The following ERI3 variants were observed in gnomAD, a reference collection of about 807,000 sequenced individuals.
The protein encoded by ERI3 is ERI1 exoribonuclease 3.
In ERI3, 18 loss-of-function variants were observed where a neutral mutation model predicts 44.4. That is an observed-to-expected ratio of 0.41 (90% CI 0.28 to 0.60). The LOEUF (loss-of-function observed/expected upper bound fraction) is 0.60, where lower values mean the gene tolerates loss of function less well. Among genes scored for constraint, ERI3 ranks in the 20% least tolerant of loss-of-function variants. ERI3 has a pLI of 0.36. For synonymous variants in ERI3, 183 were observed against 164.8 expected (o/e 1.11, Z -0.84); for missense variants, 294 against 435.5 (o/e 0.68, Z 2.89).
Position 44,276,116 on chromosome 1 carries a change from T to C in ERI3, c.831+8719A>G, listed in dbSNP as rs187996748. Among the ~76,000 whole-genome samples the C allele has an allele frequency of 9.2e-5, 14 of 152,272 alleles. No homozygotes were observed. In the East Asian group the frequency reaches 1.9e-3, roughly 21 times the overall value. ...AACAACCAGCTCTCTTGGGAATGAA[T>C]AGAGTGAGAACTCACTCACATCCCT... On this transcript the variant is annotated intron_variant, in intron 7 of 8. Transcript: ENST00000372257.
intron 3 of ERI3, among the ~76,000 whole-genome samples, chr1:44,333,288 T>G (rs1157522358): frequency 1.3e-5 from 2 of 152,368 alleles, no homozygotes; most frequent in South Asian, 2.1e-4. Flanking sequence ...ACGTCGGTTT[T>G]GCATTTCATT....
intron 7 of ERI3, among the ~76,000 whole-genome samples, chr1:44,265,351 G>A (rs71653910): frequency 0.074 from 11,277 of 152,292 alleles, 465 homozygotes; most frequent in South Asian, 0.16. Context: ...AGCAGAGTAG[G>A]CTGGGGCTAA....
At chr1:44,344,700 C>CA (rs1355590407) in intron 2 of ERI3, among the ~76,000 whole-genome samples, 1 of 152,220 alleles carries the variant, frequency 6.6e-6, no homozygotes, top group East Asian at 1.9e-4. Context: ...GGCCAGAACT[C>CA]AAAAGAAAGT....
intron 6 of ERI3, among the ~76,000 whole-genome samples, chr1:44,295,076 A>G (rs1416313524): frequency 3.3e-5 from 5 of 152,300 alleles, no homozygotes; most frequent in African/African-American, 1.2e-4. Context: ...CACTTGTCCT[A>G]TACAGAGTAA....
chr1:44,330,936 T>C (rs1262321327), intron 3 of ERI3, among the ~76,000 whole-genome samples: 2 of 152,114 alleles, frequency 1.3e-5, no homozygotes, highest in Non-Finnish European at 2.9e-5. Flanking sequence ...AAAAGAAATA[T>C]AATCAAGAGG....
intron 7 of ERI3, among the ~76,000 whole-genome samples, chr1:44,255,585 C>A (rs889197249): frequency 6.6e-6 from 1 of 152,122 alleles, no homozygotes; most frequent in South Asian, 2.1e-4. Flanking sequence ...GTATTTCTTA[C>A]CCCTACTTGA....
chr1:44,256,197 C>T (rs907626155), intron 7 of ERI3, among the ~76,000 whole-genome samples: 2 of 152,058 alleles, frequency 1.3e-5, no homozygotes, highest in Admixed American at 6.5e-5. Context: ...GCCTGGTTTC[C>T]GGAGCTGCTA....
At chr1:44,233,015 C>T (rs1644221871) in intron 8 of ERI3, among the ~76,000 whole-genome samples, 1 of 152,156 alleles carries the variant, frequency 6.6e-6, no homozygotes, top group South Asian at 2.1e-4. Context: ...ATTCCCTTTT[C>T]CTTGTCACCC....
chr1:44,245,230 A>G (rs1265608417), intron 8 of ERI3, among the ~76,000 whole-genome samples: 1 of 150,990 alleles, frequency 6.6e-6, no homozygotes, highest in African/African-American at 2.4e-5. Context: ...ACTGCTCAAA[A>G]CCCACGCCTC....
At chr1:44,258,345 A>G (rs866404567) in intron 7 of ERI3, among the ~76,000 whole-genome samples, 1 of 152,198 alleles carries the variant, frequency 6.6e-6, no homozygotes, top group South Asian at 2.1e-4. Context: ...CACTACCGCC[A>G]CCACCACCCA....
Position 44,286,506 on chromosome 1 carries a change from A to G in ERI3, c.759-1599T>C, listed in dbSNP as rs193106917. ...AATTATTAATGTAATCATTAACCTA[A>G]GTAAAATTAAAGCCAGGAGAGTAAA... On this transcript the variant is annotated intron_variant, in intron 6 of 8. Transcript: ENST00000372257. 2.3e-3 allele frequency among the ~76,000 whole-genome samples: 350 copies of G among 152,276 alleles called. 1 individual carries two copies. Among genetic ancestry groups the G allele is most frequent in the Non-Finnish European group, 3.8e-3 (261 of 68,008 alleles).
At position 44,228,790 on chromosome 1, in the gene ERI3, A is replaced by C. The variant is rs2154315590; in HGVS notation, c.932-7150T>G. On this transcript the variant is annotated intron_variant, in intron 8 of 8. Coordinates refer to ENST00000372257, the MANE Select transcript of ERI3 (RefSeq NM_024066.3). The surrounding 1 kb of genome is among the most constrained non-coding windows in gnomAD (Gnocchi z 4.3). ...CAGTAAGCATAGCATCAAACCCCTT[A>C]TGTCGCTTGCAGTGCATTTGGCCAC... Among the ~76,000 whole-genome samples the C allele has an allele frequency of 6.6e-6, 1 of 152,314 alleles. No homozygotes were observed. Among genetic ancestry groups the C allele is most frequent in the Middle Eastern group, 3.4e-3 (1 of 294 alleles).
intron 7 of ERI3, among the ~76,000 whole-genome samples, chr1:44,279,930 C>T (rs1323831431): frequency 6.6e-6 from 1 of 152,208 alleles, no homozygotes; most frequent in Non-Finnish European, 1.5e-5. Context: ...TAGATAAACA[C>T]AGGAAACTAT....
intron 3 of ERI3, among the ~76,000 whole-genome samples, chr1:44,325,545 G>A (rs979369782): frequency 2.0e-5 from 3 of 152,192 alleles, no homozygotes; most frequent in African/African-American, 7.2e-5. Flanking sequence ...CAACTGAAGT[G>A]TCTGCAGAAA....
chr1:44,233,317 C>CCACAGGAGCCA (rs1644228778), intron 8 of ERI3, among the ~76,000 whole-genome samples: 1 of 152,110 alleles, frequency 6.6e-6, no homozygotes, highest in Non-Finnish European at 1.5e-5. Context: ...ATCTCCTACT[C>CCACAGGAGCCA]CACAGGAGCC....
chr1:44,324,998 A>G (rs1441361645), intron 3 of ERI3, among the ~76,000 whole-genome samples: 1 of 152,132 alleles, frequency 6.6e-6, no homozygotes, highest in African/African-American at 2.4e-5. Context: ...GAGAGAGAAG[A>G]CAGAAATAAA....
At chr1:44,275,465 C>T (rs114522429) in intron 7 of ERI3, among the ~76,000 whole-genome samples, 52 of 152,322 alleles carry the variant, frequency 3.4e-4, no homozygotes, top group African/African-American at 1.2e-3. Flanking sequence ...TAATTTATTA[C>T]TGCACTGATT....
intron 8 of ERI3, among the ~76,000 whole-genome samples, chr1:44,225,549 T>C (rs1461657734): frequency 1.3e-5 from 2 of 152,174 alleles, no homozygotes; most frequent in East Asian, 3.8e-4. Context: ...GCCAAGACCA[T>C]AATGTGAGGA....
chr1:44,221,499 G>T lies in ERI3; in HGVS notation c.*59C>A. ...CCTCTTCCCCTCTGGTGAGGGAGAG[G>T]AGGATTCTGGGCTGGGCCAAACAGC... On this transcript the variant is annotated 3_prime_UTR_variant, in exon 9 of 9. Transcript: ENST00000372257. This position sits in a 1 kb window ranked among gnomAD's most constrained non-coding sequence, Gnocchi z 5.9. The T allele has an allele frequency of 1.5e-6, 2 of 1,367,884 alleles. No individual in the cohort carries two copies. The highest frequency in any genetic ancestry group is 2.1e-6 in the Non-Finnish European group (2 of 957,214). The allele number at this position is 1,367,884 out of a possible 1,614,324, so 84.7% of individuals were successfully genotyped here. A position where few individuals can be genotyped will look rare whatever the true frequency, so the allele number is the denominator to read the frequency against.
Sources: allele counts gnomAD v4.1 joint callset (sites outside exome capture counted in the v4.1 genomes callset), GRCh38; gene constraint gnomAD v4.1.1; non-coding constraint Gnocchi (gnomAD v3.1); transcripts MANE v1.5; gene names NCBI Gene and HGNC (gene_info 2026-07-23, HGNC 2026-07-21).